Variants in SPIDR observed in about 807,000 individuals in gnomAD.
The protein encoded by SPIDR is scaffold protein involved in DNA repair.
A neutral mutation model predicts 104.6 loss-of-function variants in SPIDR; 93 were observed. The observed-to-expected ratio is 0.89, with a 90% CI of 0.75 to 1.06. The LOEUF (loss-of-function observed/expected upper bound fraction) is 1.06, where lower values mean the gene tolerates loss of function less well. Ranked by LOEUF, SPIDR falls within the 50% of genes least tolerant of loss-of-function variation. The pLI is 0.00. For missense variants in SPIDR, 1,154 were observed against 1,111.2 expected (o/e 1.04, Z -0.55); for synonymous variants, 431 against 416.9 (o/e 1.03, Z -0.41).
chr8:47,732,194 G>A (rs2085359639), intron 19 of SPIDR: 1 of 702,504 alleles, frequency 1.4e-6, no homozygotes, highest in Admixed American at 2.0e-5. Context: ...TCTGGCTAAG[G>A]TGCTTGTTCC....
At chr8:47,678,767 A>G (rs1375779864) in intron 11 of SPIDR, among the ~76,000 whole-genome samples, 1 of 152,140 alleles carries the variant, frequency 6.6e-6, no homozygotes, top group Non-Finnish European at 1.5e-5. Context: ...TTTCCATGAA[A>G]AGGTGAGGGG....
intron 8 of SPIDR, among the ~76,000 whole-genome samples, chr8:47,515,044 G>A (rs2082907079): frequency 6.6e-6 from 1 of 152,146 alleles, no homozygotes; most frequent in African/African-American, 2.4e-5. Flanking sequence ...AAGAGCATAT[G>A]TCCTCCTTTT....
At chr8:47,445,248 A>G (rs1374979236) in intron 8 of SPIDR, among the ~76,000 whole-genome samples, 1 of 152,172 alleles carries the variant, frequency 6.6e-6, no homozygotes, top group Non-Finnish European at 1.5e-5. Flanking sequence ...TCTCTATATC[A>G]CATTTGAATA....
intron 8 of SPIDR, among the ~76,000 whole-genome samples, chr8:47,502,815 C>G (rs1453757603): frequency 6.6e-6 from 1 of 152,104 alleles, no homozygotes; most frequent in Non-Finnish European, 1.5e-5. Flanking sequence ...TGAATATGTC[C>G]CAGAGATTCT....
chr8:47,349,516 G>A (rs1395123488), intron 5 of SPIDR, among the ~76,000 whole-genome samples: 1 of 152,210 alleles, frequency 6.6e-6, no homozygotes, highest in Non-Finnish European at 1.5e-5. Flanking sequence ...GTCAGACAGG[G>A]ATGTTTAAGT....
intron 8 of SPIDR, among the ~76,000 whole-genome samples, chr8:47,502,477 G>A (rs1329271815): frequency 2.0e-5 from 3 of 152,052 alleles, no homozygotes; most frequent in Admixed American, 6.6e-5. Flanking sequence ...CTGTGGGATC[G>A]GTGGTGATAC....
intron 5 of SPIDR, among the ~76,000 whole-genome samples, chr8:47,313,683 C>G (rs367799755): frequency 2.6e-5 from 4 of 152,148 alleles, no homozygotes; most frequent in South Asian, 4.1e-4. Context: ...CTACAGTAAC[C>G]AAAACTGCAT....
At chr8:47,295,952 A>T (rs1270017027) in intron 5 of SPIDR, among the ~76,000 whole-genome samples, 1 of 152,162 alleles carries the variant, frequency 6.6e-6, no homozygotes, top group African/African-American at 2.4e-5. Flanking sequence ...AACGCTTGTT[A>T]TCTTTCATCT....
At chr8:47,628,866 C>T (rs974496997) in intron 10 of SPIDR, among the ~76,000 whole-genome samples, 1 of 152,162 alleles carries the variant, frequency 6.6e-6, no homozygotes, top group Non-Finnish European at 1.5e-5. Context: ...TATAAACCAA[C>T]TTAGCCAATA....
Position 47,440,458 on chromosome 8 carries a change from C to A in SPIDR, c.1013C>A (p.Ala338Asp), listed in dbSNP as rs1554696004. The change falls in exon 8 of 20, where the codon GCT becomes GAT. Residue 338 changes from alanine to aspartate, a missense_variant. Ala to Asp is a moderately radical substitution (Grantham distance 126, BLOSUM62 -2). Coordinates refer to ENST00000297423, the MANE Select transcript of SPIDR (RefSeq NM_001080394.4). Reference sequence around the variant, plus strand: ...CAAAGTGTGGCTCCCAGGCCTGGAGCTGGCCTGAAAGTTCTCTTCACCAAG... The same window carrying A: ...CAAAGTGTGGCTCCCAGGCCTGGAGATGGCCTGAAAGTTCTCTTCACCAAG... ...SSQSVAPRPG[A>D]GLKVLFTKET... is the part of the protein sequence containing the mutation. The A allele has an allele frequency of 6.2e-7, 1 of 1,614,226 alleles. No homozygotes were observed.
At chr8:47,310,226 C>T (rs192143225) in intron 5 of SPIDR, among the ~76,000 whole-genome samples, 97 of 149,608 alleles carry the variant, frequency 6.5e-4, no homozygotes, top group African/African-American at 2.2e-3. Flanking sequence ...CCCAGCTACT[C>T]GGGAGGCTGA....
At chr8:47,437,243 CT>C (rs2154342005) in intron 7 of SPIDR, among the ~76,000 whole-genome samples, 1 of 126,634 alleles carries the variant, frequency 7.9e-6, no homozygotes, top group Admixed American at 8.5e-5. Flanking sequence ...ATCCCTCCCC[CT>C]CCCCCCACCC....
intron 5 of SPIDR, among the ~76,000 whole-genome samples, chr8:47,371,700 A>G (rs1230285686): frequency 1.3e-5 from 2 of 152,204 alleles, no homozygotes; most frequent in South Asian, 2.1e-4. Context: ...TAAAATGGGT[A>G]TAATAATTTC....
intron 8 of SPIDR, among the ~76,000 whole-genome samples, chr8:47,543,403 C>T (rs1236090204): frequency 6.6e-6 from 1 of 152,068 alleles, no homozygotes. Flanking sequence ...GTGCATTTCC[C>T]TAATGCTTGT....
At chr8:47,623,904 A>T (rs1323333994) in intron 10 of SPIDR, among the ~76,000 whole-genome samples, 1 of 152,232 alleles carries the variant, frequency 6.6e-6, no homozygotes, top group Non-Finnish European at 1.5e-5. Context: ...CATCTACAGA[A>T]CTGTCCATCC....
intron 8 of SPIDR, among the ~76,000 whole-genome samples, chr8:47,539,308 C>G (rs902039123): frequency 3.3e-5 from 5 of 152,154 alleles, no homozygotes; most frequent in African/African-American, 9.7e-5. Flanking sequence ...AGCACACCAT[C>G]ATATGTAAGT....
At chr8:47,501,058 G>A (rs2080334483) in intron 8 of SPIDR, among the ~76,000 whole-genome samples, 1 of 152,202 alleles carries the variant, frequency 6.6e-6, no homozygotes, top group African/African-American at 2.4e-5. Context: ...TTGTAGTATA[G>A]TTTGAAGTCA....
At chr8:47,424,818 C>T (rs2066158648) in intron 7 of SPIDR, among the ~76,000 whole-genome samples, 1 of 152,150 alleles carries the variant, frequency 6.6e-6, no homozygotes, top group African/African-American at 2.4e-5. Flanking sequence ...TCACTGTAAC[C>T]TCCGCCTCCT....
In SPIDR at chr8:47,714,513, T is replaced by TA. The variant is rs547971166; in HGVS notation, c.2341+872_2341+873insA. On this transcript the variant is annotated intron_variant, in intron 16 of 19. Transcript: ENST00000297423. The stretch of plus-strand genomic sequence containing the variant: ...GCATTATTATTTTCTCTTTTTTAAC[T>TA]TTATAAAACTTAGTAATAAAAGTCA... Among the ~76,000 whole-genome samples, 9 of 152,314 alleles carry TA rather than the reference T, an allele frequency of 5.9e-5. No individual in the cohort carries two copies. In the East Asian group the frequency reaches 1.3e-3, roughly 23 times the overall value.
Sources: allele counts gnomAD v4.1 joint callset (sites outside exome capture counted in the v4.1 genomes callset), GRCh38; gene constraint gnomAD v4.1.1; transcripts MANE v1.5; gene names NCBI Gene and HGNC (gene_info 2026-07-23, HGNC 2026-07-21).